RAP1B: variants seen among roughly 807,000 people sequenced by gnomAD.
RAP1B encodes the protein RAP1B, member of RAS oncogene family.
In RAP1B, 1 loss-of-function variant was observed where a neutral mutation model predicts 27.5. The ratio of observed to expected loss-of-function variants is 0.04; its 90% confidence interval spans 0.01 to 0.17. The LOEUF (loss-of-function observed/expected upper bound fraction) is 0.17. RAP1B is among the 10% of genes least tolerant of loss of function. The pLI, the probability that RAP1B is intolerant of heterozygous loss-of-function variation, is 1.00. For synonymous variants in RAP1B, 75 were observed against 73.1 expected (o/e 1.03, Z -0.13); for missense variants, 84 against 214.8 (o/e 0.39, Z 3.81).
At chr12:68,623,844 A>AAC (rs1259895437) in intron 1 of RAP1B, among the ~76,000 whole-genome samples, 12 of 152,174 alleles carry the variant, frequency 7.9e-5, no homozygotes, top group African/African-American at 2.9e-4. Context: ...AACACGGTGA[A>AAC]ACCCATCTCT....
intron 1 of RAP1B, chr12:68,626,775 T>G (rs74812051): frequency 9.1e-6 from 9 of 987,726 alleles, no homozygotes; most frequent in African/African-American, 6.8e-5. Context: ...TTCCAGGGTG[T>G]TTTTTTTTTG....
chr12:68,665,108 A>AGG lies in RAP1B; in HGVS notation c.*5861_*5862dup, dbSNP rs1342976980. ...GGTTTGAGGCCAGCATGGATAACAT[A>AGG]GGGAGACCCTGTCACTTGACAAAAG... On this transcript the variant is annotated 3_prime_UTR_variant, in exon 8 of 8. Transcript: ENST00000250559. 6.6e-5 allele frequency: 10 copies of AGG among 152,228 alleles called. No individual in the cohort carries two copies. The highest frequency in any genetic ancestry group is 4.6e-4 in the Admixed American group (7 of 15,278). 9.4% of individuals were successfully genotyped at this position (152,228 alleles called of 1,614,324 possible).
intron 5 of RAP1B, 100 bp downstream of exon 5, chr12:68,654,352 G>GT (rs1173855583): frequency 3.6e-5 from 8 of 222,150 alleles, no homozygotes; most frequent in Middle Eastern, 1.3e-3. Context: ...TATTTTGGTT[G>GT]GGGGGGGGGT....
In RAP1B at chr12:68,615,317, TTTTAA is replaced by T. The variant is rs1397022740; in HGVS notation, c.-27+4280_-27+4284del. Reference sequence around the variant, plus strand: ...AATGTGGGGGAAATGTACCAGTTTTTTTTAATTTAAATTCCCTAAAATAAAAATAT... The same window carrying T: ...AATGTGGGGGAAATGTACCAGTTTTTTTTAAATTCCCTAAAATAAAAATAT... On this transcript the variant is annotated intron_variant, in intron 1 of 7. Transcript: ENST00000250559. Among the ~76,000 whole-genome samples, 4 of 152,298 alleles carry T rather than the reference TTTTAA, an allele frequency of 2.6e-5. No individual in the cohort carries two copies. The South Asian group carries it at 6.2e-4, about 24-fold the overall frequency.
At chr12:68,646,858 G>A (rs774636819) in intron 1 of RAP1B, among the ~76,000 whole-genome samples, 3 of 152,046 alleles carry the variant, frequency 2.0e-5, no homozygotes, top group Middle Eastern at 3.2e-3. Flanking sequence ...TTTTTATTTA[G>A]TTTTTTCTAG....
At chr12:68,611,279 G>GT (rs888802203) in intron 1 of RAP1B, among the ~76,000 whole-genome samples, 37 of 150,502 alleles carry the variant, frequency 2.5e-4, no homozygotes, top group Admixed American at 4.0e-4. Context: ...GCCGCCGCGG[G>GT]AGAACAGCGC....
chr12:68,627,030 C>T lies in RAP1B; in HGVS notation c.-27+15987C>T, dbSNP rs953654609. 1.5e-5 allele frequency: 24 copies of T among 1,586,822 alleles called. No homozygotes were observed. The East Asian group carries it at 2.2e-4, about 15-fold the overall frequency. Reference sequence around the variant, plus strand: ...CTTCTTTGAGATGTGGATCTTCTGGCGGCCAGAAAACTTGAACTTGGCCCT... The same window carrying T: ...CTTCTTTGAGATGTGGATCTTCTGGTGGCCAGAAAACTTGAACTTGGCCCT... On this transcript the variant is annotated intron_variant, in intron 1 of 7. Transcript: ENST00000250559.
chr12:68,648,686 T>C lies in RAP1B; in HGVS notation c.-26-13T>C, dbSNP rs566650773. 34 of 1,584,830 alleles carry C rather than the reference T, an allele frequency of 2.1e-5. No individual in the cohort carries two copies. In the South Asian group the frequency reaches 2.3e-4, roughly 11 times the overall value. On this transcript the variant is annotated splice_polypyrimidine_tract_variant and intron_variant, in intron 1 of 7. Coordinates refer to ENST00000250559, the MANE Select transcript of RAP1B (RefSeq NM_001010942.3). The stretch of plus-strand genomic sequence containing the variant: ...TTTACTTAGAATTCTTTTTTTTTTT[T>C]TCCTTTAATAAGGTACTAGGTTTTG...
rs1490894061 is a variant in RAP1B at position 68,668,466 on chromosome 12, T to C, written c.*9217T>C. The C allele has an allele frequency of 6.6e-6, 1 of 152,178 alleles. No homozygotes were observed. Among genetic ancestry groups the C allele is most frequent in the Non-Finnish European group, 1.5e-5 (1 of 68,022 alleles). The allele number at this position is 152,178 out of a possible 1,614,324, so 9.4% of individuals were successfully genotyped here. A position where few individuals can be genotyped will look rare whatever the true frequency, so the allele number is the denominator to read the frequency against. On this transcript the variant is annotated 3_prime_UTR_variant, in exon 8 of 8. Coordinates refer to ENST00000250559, the MANE Select transcript of RAP1B (RefSeq NM_001010942.3). Reference sequence around the variant, plus strand: ...ACTTTGAAAAAGAAAAGTTACAAATTCTAGTAAGCAAAAGATTTTTTGTGA... The same window carrying C: ...ACTTTGAAAAAGAAAAGTTACAAATCCTAGTAAGCAAAAGATTTTTTGTGA...
chr12:68,625,814 C>T (rs867663988), intron 1 of RAP1B, among the ~76,000 whole-genome samples: 3 of 151,528 alleles, frequency 2.0e-5, no homozygotes, highest in Non-Finnish European at 2.9e-5. Flanking sequence ...CCTAGCTACT[C>T]GGGAGGCTGA....
intron 2 of RAP1B, 89 bp downstream of exon 2, chr12:68,648,870 GAT>G: frequency 2.5e-6 from 3 of 1,219,218 alleles, no homozygotes; most frequent in Non-Finnish European, 3.4e-6. Context: ...TCTTTGTTAA[GAT>G]AAAATTCCTT....
At position 68,664,732 on chromosome 12, in the gene RAP1B, G is replaced by T. The variant is rs1874777214; in HGVS notation, c.*5483G>T. 1 of 151,990 alleles carries T rather than the reference G, an allele frequency of 6.6e-6. No individual in the cohort carries two copies. The highest frequency in any genetic ancestry group is 6.6e-5 in the Admixed American group (1 of 15,242). 9.4% of individuals were successfully genotyped at this position (151,990 alleles called of 1,614,324 possible). ...AAAAAGAAAAAGAAAAAAAAATCCAGTCTCTGCTGGCAAGGTGTTTAACAA... is the reference window on the plus strand; with the variant it reads ...AAAAAGAAAAAGAAAAAAAAATCCATTCTCTGCTGGCAAGGTGTTTAACAA... On this transcript the variant is annotated 3_prime_UTR_variant, in exon 8 of 8. Transcript: ENST00000250559.
At chr12:68,654,689 G>T (rs1192182895) in intron 5 of RAP1B, among the ~76,000 whole-genome samples, 1 of 152,002 alleles carries the variant, frequency 6.6e-6, no homozygotes, top group Non-Finnish European at 1.5e-5. Context: ...ATGTTAGCCA[G>T]GATGGTCTCG....
Position 68,661,170 on chromosome 12 carries a change from T to C in RAP1B, c.*1921T>C, listed in dbSNP as rs1180601148. 1 of 152,192 alleles carries C rather than the reference T, an allele frequency of 6.6e-6. No homozygotes were observed. Among genetic ancestry groups the C allele is most frequent in the Non-Finnish European group, 1.5e-5 (1 of 68,020 alleles). 9.4% of individuals were successfully genotyped at this position (152,192 alleles called of 1,614,324 possible). On this transcript the variant is annotated 3_prime_UTR_variant, in exon 8 of 8. Coordinates refer to ENST00000250559, the MANE Select transcript of RAP1B (RefSeq NM_001010942.3). ...AATGATACATTTTTAAAGGCTTTCA[T>C]GTTAAGAAAAAGTCTGATTCTTTAC...
intron 4 of RAP1B, among the ~76,000 whole-genome samples, chr12:68,653,581 C>G (rs1873973462): frequency 6.6e-6 from 1 of 151,982 alleles, no homozygotes; most frequent in South Asian, 2.1e-4. Flanking sequence ...TTCTGTTCCA[C>G]TTGAGTATAT....
At chr12:68,657,671 G>T (rs1270334142) in intron 7 of RAP1B, 1 of 157,546 alleles carries the variant, frequency 6.3e-6, no homozygotes, top group Non-Finnish European at 1.4e-5. Context: ...CTCCCAAAGT[G>T]CTGAGATTAC....
chr12:68,638,082 A>T (rs746059122), intron 1 of RAP1B, among the ~76,000 whole-genome samples: 1 of 152,210 alleles, frequency 6.6e-6, no homozygotes, highest in African/African-American at 2.4e-5. Flanking sequence ...GGATTAAAGC[A>T]GTCTTTAAAG....
At position 68,662,008 on chromosome 12, in the gene RAP1B, C is replaced by CTATATATATATA. The variant is rs63676662; in HGVS notation, c.*2773_*2784dup. On this transcript the variant is annotated 3_prime_UTR_variant, in exon 8 of 8. Transcript: ENST00000250559. ...TGAATGCCAGTGCTATCCTCTAGGT[C>CTATATATATATA]TATATATATATATATATATATATAT... 69 of 133,888 alleles carry CTATATATATATA rather than the reference C, an allele frequency of 5.2e-4. No homozygotes were observed. Among genetic ancestry groups the CTATATATATATA allele is most frequent in the Middle Eastern group, 3.8e-3 (1 of 264 alleles). 8.3% of individuals were successfully genotyped at this position (133,888 alleles called of 1,614,324 possible).
At chr12:68,643,115 C>G in intron 1 of RAP1B, 1 of 588,566 alleles carries the variant, frequency 1.7e-6, no homozygotes, top group South Asian at 2.1e-5. Context: ...TTTTGTTTTT[C>G]TTCCAAAATC....
Sources: allele counts gnomAD v4.1 joint callset (sites outside exome capture counted in the v4.1 genomes callset), GRCh38; gene constraint gnomAD v4.1.1; transcripts MANE v1.5; gene names NCBI Gene and HGNC (gene_info 2026-07-23, HGNC 2026-07-21).